MEIOC: variants seen among roughly 807,000 people sequenced by gnomAD.
MEIOC encodes meiosis-specific coiled-coil domain-containing protein MEIOC.
MEIOC carries 9 observed loss-of-function variants against 85.3 expected under a neutral mutation model. The ratio of observed to expected loss-of-function variants is 0.11; its 90% CI spans 0.06 to 0.18. The LOEUF (loss-of-function observed/expected upper bound fraction) is 0.18, where lower values mean the gene tolerates loss of function less well. Among genes scored for constraint, MEIOC ranks in the 10% least tolerant of loss-of-function variants. MEIOC has a pLI of 1.00. For synonymous variants in MEIOC, 365 were observed against 393.7 expected (o/e 0.93, Z 0.86); for missense variants, 898 against 1,129.4 (o/e 0.80, Z 2.94).
Position 44,668,162 on chromosome 17 carries a change from G to A in MEIOC, c.2251G>A (p.Ala751Thr). Reference protein sequence around the residue: ...QRPIKTRSGPASELHIRLEEC... With the variant: ...QRPIKTRSGPTSELHIRLEEC... Reference sequence around the variant, plus strand: ...ACCAATTAAAACCCGTAGTGGACCAGCCAGTGAACTTCATATTCGTCTAGA... The same window carrying A: ...ACCAATTAAAACCCGTAGTGGACCAACCAGTGAACTTCATATTCGTCTAGA... The change falls in exon 5 of 8, where the codon GCC becomes ACC. Residue 751 changes from alanine to threonine, a missense_variant. Coordinates refer to ENST00000409122, the MANE Select transcript of MEIOC (RefSeq NM_001145080.3). 1 of 1,613,868 alleles carries A rather than the reference G, an allele frequency of 6.2e-7. No homozygotes were observed. The highest frequency in any genetic ancestry group is 2.2e-5 in the East Asian group (1 of 44,888).
In MEIOC at chr17:44,667,335, G is replaced by C; in HGVS notation, c.1424G>C (p.Arg475Thr). 1 of 1,613,790 alleles carries C rather than the reference G, an allele frequency of 6.2e-7. No individual in the cohort carries two copies. Among genetic ancestry groups the C allele is most frequent in the East Asian group, 2.2e-5 (1 of 44,878 alleles). Reference sequence around the variant, plus strand: ...TCTTCAGGAGGTATCAATTTAAACAGACCAACTTGGATGAATGTTCAAACA... The same window carrying C: ...TCTTCAGGAGGTATCAATTTAAACACACCAACTTGGATGAATGTTCAAACA... ...ATSSGGINLN[R>T]PTWMNVQTKN... The change falls in exon 5 of 8, where the codon AGA becomes ACA. Residue 475 changes from arginine to threonine, a missense_variant. This residue lies in a region of MEIOC where 734 missense variants were observed against 860.1 expected (regional missense o/e 0.85). Transcript: ENST00000409122.
At chr17:44,661,616 A>C (rs1184196624) in intron 2 of MEIOC, among the ~76,000 whole-genome samples, 2 of 152,026 alleles carry the variant, frequency 1.3e-5, no homozygotes, top group African/African-American at 2.4e-5. Flanking sequence ...CAGTGGTGCT[A>C]TCTTGGCTCA....
chr17:44,675,801 AT>A (rs1228217310), downstream of MEIOC: 2 of 910,498 alleles, frequency 2.2e-6, no homozygotes, highest in African/African-American at 3.6e-5. Flanking sequence ...TGTTGAAAAC[AT>A]TTGGTTTCAT....
intron 2 of MEIOC, among the ~76,000 whole-genome samples, chr17:44,659,834 A>G (rs1355386134): frequency 6.6e-6 from 1 of 152,232 alleles, no homozygotes; most frequent in Non-Finnish European, 1.5e-5. Context: ...AGAAAGATAA[A>G]AAGCCTTTGT....
At position 44,668,237 on chromosome 17, in the gene MEIOC, ACACAAAGTTAAC is replaced by A. The variant is rs771548518; in HGVS notation, c.2322+8_2322+19del. ...ATTAGAAAAAGAGAGAAAAAAGGTA[ACACAAAGTTAAC>A]CACTTAGGAATAACAGTATGTTCCT... On this transcript the variant is annotated splice_donor_5th_base_variant and intron_variant, in intron 5 of 7. Transcript: ENST00000409122. 8.2e-6 allele frequency: 13 copies of A among 1,586,198 alleles called. No individual in the cohort carries two copies. The African/African-American group carries it at 1.2e-4, about 15-fold the overall frequency.
rs368657864 is a variant in MEIOC, at chr17:44,674,079, C to G, written c.2742C>G (p.Ala914=). The G allele has an allele frequency of 1.3e-6, 2 of 1,551,650 alleles. No homozygotes were observed. Among genetic ancestry groups the G allele is most frequent in the African/African-American group, 2.7e-5 (2 of 73,134 alleles). ...CALQMTLPKT[A]STADVVKPLQ... ...TGCAGATGACCTTGCCAAAAACAGC[C>G]AGTACAGCTGATGTGGTAAAGCCTT... The change falls in exon 8 of 8, where the codon GCC becomes GCG. Residue 914 remains alanine, a synonymous_variant. Transcript: ENST00000409122.
chr17:44,667,680 A>G lies in MEIOC; in HGVS notation c.1769A>G (p.Asp590Gly), dbSNP rs774904568. The G allele has an allele frequency of 5.6e-6, 9 of 1,613,196 alleles. No individual in the cohort carries two copies. The highest frequency in any genetic ancestry group is 2.2e-5 in the East Asian group (1 of 44,886). Residue 590 changes from aspartate (D) to glycine (G), a missense_variant, in exon 5 of 8, where the codon GAT (aspartate) becomes GGT (glycine). This residue lies in a region of MEIOC where 734 missense variants were observed against 860.1 expected (regional missense o/e 0.85). Transcript: ENST00000409122. ...KKIKQPNGFC[D>G]NYSAQKYGII... ...ATAAAGCAGCCAAATGGATTTTGTG[A>G]TAACTATTCAGCTCAGAAGTATGGG...
At chr17:44,657,327 T>G (rs1201125610) in intron 2 of MEIOC, 66 bp downstream of exon 2, 3 of 1,469,080 alleles carry the variant, frequency 2.0e-6, no homozygotes, top group Non-Finnish European at 2.8e-6. Context: ...GAGCCACCGA[T>G]TCATAGGTGT....
chr17:44,669,904 AG>A (rs1971976309), intron 6 of MEIOC: 2 of 168,354 alleles, frequency 1.2e-5, no homozygotes, highest in African/African-American at 2.4e-5. Context: ...AGAGCTTTGA[AG>A]GGTTTTTAAA....
In MEIOC at chr17:44,666,916, T is replaced by C; in HGVS notation, c.1005T>C (p.Asn335=). The change falls in exon 5 of 8, where the codon AAT becomes AAC. Residue 335 remains asparagine (N), a synonymous_variant. Coordinates refer to ENST00000409122, the MANE Select transcript of MEIOC (RefSeq NM_001145080.3). ...YCRYPEYVHP[N]KAKLNKCSNF... is the part of the protein sequence containing the mutation. ...GATACCCAGAGTATGTTCATCCTAATAAGGCTAAGCTTAATAAATGTTCAA... is the reference window on the plus strand; with the variant it reads ...GATACCCAGAGTATGTTCATCCTAACAAGGCTAAGCTTAATAAATGTTCAA... 6.2e-7 allele frequency: 1 copy of C among 1,609,558 alleles called. No individual in the cohort carries two copies. Among genetic ancestry groups the C allele is most frequent in the Non-Finnish European group, 8.5e-7 (1 of 1,177,488 alleles).
intron 4 of MEIOC, 39 bp downstream of exon 4, chr17:44,665,527 A>G (rs1971892213): frequency 1.9e-6 from 2 of 1,045,838 alleles, no homozygotes; most frequent in Non-Finnish European, 2.7e-6. Context: ...CAGGCTTTTA[A>G]ACTAACATAC....
At position 44,667,739 on chromosome 17, in the gene MEIOC, G is replaced by C. The variant is rs910342757; in HGVS notation, c.1828G>C (p.Ala610Pro). 1 of 1,613,740 alleles carries C rather than the reference G, an allele frequency of 6.2e-7. No homozygotes were observed. Residue 610 changes from alanine (A) to proline (P), a missense_variant, in exon 5 of 8, where the codon GCC becomes CCC. This residue lies in a region of MEIOC where 734 missense variants were observed against 860.1 expected (regional missense o/e 0.85). Transcript: ENST00000409122. ...AAATGTAAACAAACATAATTTTCAA[G>C]CCAAGCCCCAGAGTGGACATTATGA... ...IENVNKHNFQ[A>P]KPQSGHYDPE... is the part of the protein sequence containing the mutation.
chr17:44,674,987 CT>C lies in MEIOC; in HGVS notation c.*793del. The C allele has an allele frequency of 1.0e-6, 1 of 983,120 alleles. No individual in the cohort carries two copies. The highest frequency in any genetic ancestry group is 4.7e-5 in the South Asian group (1 of 21,244). 60.9% of individuals were successfully genotyped at this position (983,120 alleles called of 1,614,324 possible). On this transcript the variant is annotated 3_prime_UTR_variant, in exon 8 of 8. Coordinates refer to ENST00000409122, the MANE Select transcript of MEIOC (RefSeq NM_001145080.3). ...ATTCCCTTTATCTGGATCTTTTAGACTTGATGCACAGTAACTGAAATAATGA... is the reference window on the plus strand; with the variant it reads ...ATTCCCTTTATCTGGATCTTTTAGACTGATGCACAGTAACTGAAATAATGA...
At chr17:44,673,066 A>G (rs2144677569) in intron 6 of MEIOC, 1 of 257,054 alleles carries the variant, frequency 3.9e-6, no homozygotes, top group South Asian at 1.3e-4. Flanking sequence ...TTTGTCAAAA[A>G]CAGTATCAGA....
Position 44,656,501 on chromosome 17 carries a change from G to GCGGCTGCGGAGA in MEIOC, c.-108_-97dup. On this transcript the variant is annotated 5_prime_UTR_variant, in exon 1 of 8. Transcript: ENST00000409122. ...TCCAGGCAGCGCCCGGGCGGCGGAG[G>GCGGCTGCGGAGA]CGGCTGCGGAGACGGCGGGGTGCGG... is the stretch of plus-strand genomic sequence containing the variant. 1 of 870,054 alleles carries GCGGCTGCGGAGA rather than the reference G, an allele frequency of 1.1e-6. No individual in the cohort carries two copies. The allele number at this position is 870,054 out of a possible 1,614,324, so 53.9% of individuals were successfully genotyped here.
intron 3 of MEIOC, 86 bp downstream of exon 3, chr17:44,662,557 C>A: frequency 1.1e-6 from 1 of 938,086 alleles, no homozygotes; most frequent in South Asian, 1.9e-5. Context: ...CTGTTCCCTA[C>A]ATTATCATTT....
chr17:44,669,628 G>A lies in MEIOC; in HGVS notation c.2457+111G>A, dbSNP rs1971970603. 2.8e-6 allele frequency: 3 copies of A among 1,075,282 alleles called. No individual in the cohort carries two copies. In the Admixed American group the frequency reaches 6.5e-5, roughly 23 times the overall value. The allele number at this position is 1,075,282 out of a possible 1,614,324, so 66.6% of individuals were successfully genotyped here. On this transcript the variant is annotated intron_variant, in intron 6 of 7. Transcript: ENST00000409122. ...TAATCCCACCACTTTGGGAGGCCGAGGCGGGCAGATCACCTGAAGTCAGGA... is the reference window on the plus strand; with the variant it reads ...TAATCCCACCACTTTGGGAGGCCGAAGCGGGCAGATCACCTGAAGTCAGGA...
Position 44,674,865 on chromosome 17 carries a change from C to T in MEIOC, c.*669C>T. 1 of 973,626 alleles carries T rather than the reference C, an allele frequency of 1.0e-6. No individual in the cohort carries two copies. Among genetic ancestry groups the T allele is most frequent in the Non-Finnish European group, 1.2e-6 (1 of 819,272 alleles). 60.3% of individuals were successfully genotyped at this position (973,626 alleles called of 1,614,324 possible). ...CCATGCAAGTTACTGAATATAAAACCTATTCAGATCATTTGTGTATATTCT... is the reference window on the plus strand; with the variant it reads ...CCATGCAAGTTACTGAATATAAAACTTATTCAGATCATTTGTGTATATTCT... On this transcript the variant is annotated 3_prime_UTR_variant, in exon 8 of 8. Coordinates refer to ENST00000409122, the MANE Select transcript of MEIOC (RefSeq NM_001145080.3).
In MEIOC at chr17:44,667,196, G is replaced by C. The variant is rs769724391; in HGVS notation, c.1285G>C (p.Ala429Pro). 22 of 1,613,784 alleles carry C rather than the reference G, an allele frequency of 1.4e-5. No homozygotes were observed. In the African/African-American group the frequency reaches 2.8e-4, roughly 21 times the overall value. The change falls in exon 5 of 8, where the codon GCT becomes CCT. Residue 429 changes from alanine to proline, a missense_variant. Ala to Pro is a conservative substitution (Grantham distance 27, BLOSUM62 -1). Around this residue, in one of 2 missense-constraint regions of MEIOC, gnomAD observed 734 missense variants for 860.1 expected, o/e 0.85. Coordinates refer to ENST00000409122, the MANE Select transcript of MEIOC (RefSeq NM_001145080.3). ...AGAATATGGACTAAAACCTCACACA[G>C]CTTGTCCCGCTAATGATTTTGCTAA... Reference protein sequence around the residue: ...TSEYGLKPHTACPANDFANVT... With the variant: ...TSEYGLKPHTPCPANDFANVT...
Sources: allele counts gnomAD v4.1 joint callset (sites outside exome capture counted in the v4.1 genomes callset), GRCh38; gene constraint gnomAD v4.1.1; regional missense constraint gnomAD v4.1.1; transcripts MANE v1.5; gene names NCBI Gene and HGNC (gene_info 2026-07-23, HGNC 2026-07-21).